Variants in CMTM5 observed in about 807,000 individuals in gnomAD.
The protein encoded by CMTM5 is CKLF-like MARVEL transmembrane domain-containing protein 5.
CMTM5 carries 25 observed loss-of-function variants against 26.9 expected under a neutral mutation model. The ratio of observed to expected loss-of-function variants is 0.93; its 90% CI spans 0.68 to 1.30. CMTM5 has a LOEUF of 1.30. CMTM5 is among the 50% of genes most tolerant of loss of function. The pLI is 0.00. For missense variants in CMTM5, 292 were observed against 289.6 expected (o/e 1.01, Z -0.06); for synonymous variants, 98 against 115.5 (o/e 0.85, Z 0.97).
At position 23,377,283 on chromosome 14, in the gene CMTM5, A is replaced by G. The variant is rs1299049161; in HGVS notation, c.32A>G (p.His11Arg). Reference protein sequence around the residue: MLSARDRRDRHPEEGVVAELQ... With the variant: MLSARDRRDRRPEEGVVAELQ... ...AGTGCTCGAGATCGCCGGGACCGGCACCCTGAGGAGGGGGTAGTTGCAGAG... is the reference window on the plus strand; with the variant it reads ...AGTGCTCGAGATCGCCGGGACCGGCGCCCTGAGGAGGGGGTAGTTGCAGAG... Residue 11 changes from histidine to arginine, a missense_variant, in exon 1 of 6, where the codon CAC (histidine) becomes CGC (arginine). Coordinates refer to ENST00000339180, the MANE Select transcript of CMTM5 (RefSeq NM_001288746.2). This position sits in a 1 kb window ranked among gnomAD's most constrained non-coding sequence, Gnocchi z 4.6. 2 of 1,612,366 alleles carry G rather than the reference A, an allele frequency of 1.2e-6. No individual in the cohort carries two copies.
chr14:23,377,293 G>A lies in CMTM5; in HGVS notation c.42G>A (p.Glu14=). The change falls in exon 1 of 6, where the codon GAG becomes GAA. Residue 14 remains glutamate, a synonymous_variant. Coordinates refer to ENST00000339180, the MANE Select transcript of CMTM5 (RefSeq NM_001288746.2). This position sits in a 1 kb window ranked among gnomAD's most constrained non-coding sequence, Gnocchi z 4.6. ...ARDRRDRHPE[E]GVVAELQGFA... is the part of the protein sequence containing the mutation. ...ATCGCCGGGACCGGCACCCTGAGGAGGGGGTAGTTGCAGAGCTCCAGGGCT... is the reference window on the plus strand; with the variant it reads ...ATCGCCGGGACCGGCACCCTGAGGAAGGGGTAGTTGCAGAGCTCCAGGGCT... 6.2e-7 allele frequency: 1 copy of A among 1,612,354 alleles called. No individual in the cohort carries two copies. The highest frequency in any genetic ancestry group is 8.5e-7 in the Non-Finnish European group (1 of 1,179,270).
Position 23,378,802 on chromosome 14 carries a change from C to T in CMTM5, c.413C>T (p.Pro138Leu), listed in dbSNP as rs1024745608. Residue 138 changes from proline (P) to leucine (L), a missense_variant, in exon 3 of 6, where the codon CCA (proline) becomes CTA (leucine). Transcript: ENST00000339180. The surrounding 1 kb of genome is among the most constrained non-coding windows in gnomAD (Gnocchi z 4.2). ...WHTPAAVPWV[P>L]APAPGFWSWL... ...ACTCCAGCCGCTGTCCCCTGGGTTC[C>T]AGCCCCAGCGCCTGGCTTCTGGTCC... 1 of 1,612,692 alleles carries T rather than the reference C, an allele frequency of 6.2e-7. No homozygotes were observed.
rs111290798 is a variant in CMTM5 at position 23,378,786 on chromosome 14, G to A, written c.397G>A (p.Ala133Thr). 4.8e-5 allele frequency: 78 copies of A among 1,612,310 alleles called. No individual in the cohort carries two copies. The African/African-American group carries it at 5.7e-4, about 12-fold the overall frequency. Reference protein sequence around the residue: ...LTPPGWHTPAAVPWVPAPAPG... With the variant: ...LTPPGWHTPATVPWVPAPAPG... ...CCCCCCGGGCTGGCATACTCCAGCC[G>A]CTGTCCCCTGGGTTCCAGCCCCAGC... Residue 133 changes from alanine to threonine, a missense_variant, in exon 3 of 6, where the codon GCT (alanine) becomes ACT (threonine). By Grantham distance (58) the Ala-to-Thr change is moderately conservative (BLOSUM62 0). Transcript: ENST00000339180. This position sits in a 1 kb window ranked among gnomAD's most constrained non-coding sequence, Gnocchi z 4.2.
rs914964975 is a variant in CMTM5, at chr14:23,377,128, C to T, written c.-124C>T. ...TCCCGGGGCCCTGTGGGCAAGCCTC[C>T]TGCTTCACTTTCAGGTTTCTCGAAG... On this transcript the variant is annotated 5_prime_UTR_variant, in exon 1 of 6. Coordinates refer to ENST00000339180, the MANE Select transcript of CMTM5 (RefSeq NM_001288746.2). The surrounding 1 kb of genome is among the most constrained non-coding windows in gnomAD (Gnocchi z 4.6). 2 of 1,370,312 alleles carry T rather than the reference C, an allele frequency of 1.5e-6. No homozygotes were observed. The highest frequency in any genetic ancestry group is 3.9e-5 in the Admixed American group (2 of 51,302). 84.9% of individuals were successfully genotyped at this position (1,370,312 alleles called of 1,614,324 possible).
Position 23,378,845 on chromosome 14 carries a change from C to T in CMTM5, c.456C>T (p.Ile152=), listed in dbSNP as rs1327338567. ...TCTGGTCCTGGTTGCTCTGGTTCAT[C>T]TGCTTCCACTCCCTGGGTAGCAGTG... ...PGFWSWLLWF[I]CFHSLGSSDF... The change falls in exon 3 of 6, where the codon ATC becomes ATT. Residue 152 remains isoleucine (I), a synonymous_variant. Coordinates refer to ENST00000339180, the MANE Select transcript of CMTM5 (RefSeq NM_001288746.2). This position sits in a 1 kb window ranked among gnomAD's most constrained non-coding sequence, Gnocchi z 4.2. 7 of 1,612,950 alleles carry T rather than the reference C, an allele frequency of 4.3e-6. No homozygotes were observed. The African/African-American group carries it at 9.3e-5, about 22-fold the overall frequency.
In CMTM5 at chr14:23,377,420, C is replaced by T. The variant is rs886365474; in HGVS notation, c.126+43C>T. ...ACCTGGTGCCTCCATCTCCCTGACC[C>T]CCGGCTCCTGGCCAGCCTTATGCCA... On this transcript the variant is annotated intron_variant, in intron 1 of 5. Transcript: ENST00000339180. The surrounding 1 kb of genome is among the most constrained non-coding windows in gnomAD (Gnocchi z 4.6). The T allele has an allele frequency of 1.3e-6, 2 of 1,518,868 alleles. No homozygotes were observed. The highest frequency in any genetic ancestry group is 1.4e-5 in the African/African-American group (1 of 71,880). 94.1% of individuals were successfully genotyped at this position (1,518,868 alleles called of 1,614,324 possible). A position where few individuals can be genotyped will look rare whatever the true frequency, so the allele number is the denominator to read the frequency against.
chr14:23,378,048 G>A lies in CMTM5; in HGVS notation c.127-301G>A. On this transcript the variant is annotated intron_variant, in intron 1 of 5. Coordinates refer to ENST00000339180, the MANE Select transcript of CMTM5 (RefSeq NM_001288746.2). The surrounding 1 kb of genome is among the most constrained non-coding windows in gnomAD (Gnocchi z 4.2). ...TCTGTGGGCACAACTCCAGGGGCTG[G>A]CATTCACACTGTACCTATGAATTAC... 2.6e-6 allele frequency: 1 copy of A among 381,832 alleles called. No individual in the cohort carries two copies. The highest frequency in any genetic ancestry group is 4.7e-6 in the Non-Finnish European group (1 of 211,680). 23.7% of individuals were successfully genotyped at this position (381,832 alleles called of 1,614,324 possible).
rs747074373 is a variant in CMTM5, at chr14:23,378,881, G to T, written c.480+12G>T. 3.1e-6 allele frequency: 5 copies of T among 1,612,948 alleles called. 1 individual carries two copies. In the South Asian group the frequency reaches 5.5e-5, roughly 18 times the overall value. On this transcript the variant is annotated intron_variant, in intron 3 of 5. Coordinates refer to ENST00000339180, the MANE Select transcript of CMTM5 (RefSeq NM_001288746.2). The surrounding 1 kb of genome is among the most constrained non-coding windows in gnomAD (Gnocchi z 4.2). ...CCCTGGGTAGCAGTGTGAGCGCTCT[G>T]TCTCTTGAATGTGCTTCATATTGTG...
In CMTM5 at chr14:23,379,710, G is replaced by A; in HGVS notation, c.*223G>A. 1 of 959,472 alleles carries A rather than the reference G, an allele frequency of 1.0e-6. No individual in the cohort carries two copies. The highest frequency in any genetic ancestry group is 1.5e-6 in the Non-Finnish European group (1 of 685,276). 59.4% of individuals were successfully genotyped at this position (959,472 alleles called of 1,614,324 possible). On this transcript the variant is annotated 3_prime_UTR_variant, in exon 6 of 6. Coordinates refer to ENST00000339180, the MANE Select transcript of CMTM5 (RefSeq NM_001288746.2). ...AGAGGAGGGGAACTTATTGGGGGAG[G>A]GGGGGTGGAGGGGAGGAATCTGGAC...
In CMTM5 at chr14:23,379,389, T is replaced by G; in HGVS notation, c.658+6T>G. ...GGCACCCGGGGCCAGCCAGGGTGAG[T>G]GCCTGTGCTCTGTGGAGAGGAGATG... On this transcript the variant is annotated splice_donor_region_variant and intron_variant, in intron 5 of 5. Coordinates refer to ENST00000339180, the MANE Select transcript of CMTM5 (RefSeq NM_001288746.2). 1 of 1,613,952 alleles carries G rather than the reference T, an allele frequency of 6.2e-7. No individual in the cohort carries two copies. Among genetic ancestry groups the G allele is most frequent in the Non-Finnish European group, 8.5e-7 (1 of 1,179,974 alleles).
Position 23,379,069 on chromosome 14 carries a change from G to C in CMTM5, c.519G>C (p.Leu173=). ...GTGTCAGTGCCATCATCATCTTCCT[G>C]GTGGTCTCCTTTGCAGCTGTGACCT... is the stretch of plus-strand genomic sequence containing the variant. ...LRCVSAIIIF[L]VVSFAAVTSR... Residue 173 remains leucine, a synonymous_variant, in exon 4 of 6, where the codon CTG becomes CTC. Coordinates refer to ENST00000339180, the MANE Select transcript of CMTM5 (RefSeq NM_001288746.2). 1 of 1,614,064 alleles carries C rather than the reference G, an allele frequency of 6.2e-7. No individual in the cohort carries two copies.
chr14:23,379,711 G>T lies in CMTM5; in HGVS notation c.*224G>T. 1.0e-6 allele frequency: 1 copy of T among 960,850 alleles called. No individual in the cohort carries two copies. The highest frequency in any genetic ancestry group is 1.5e-6 in the Non-Finnish European group (1 of 686,332). 59.5% of individuals were successfully genotyped at this position (960,850 alleles called of 1,614,324 possible). A position where few individuals can be genotyped will look rare whatever the true frequency, so the allele number is the denominator to read the frequency against. On this transcript the variant is annotated 3_prime_UTR_variant, in exon 6 of 6. Coordinates refer to ENST00000339180, the MANE Select transcript of CMTM5 (RefSeq NM_001288746.2). ...GAGGAGGGGAACTTATTGGGGGAGG[G>T]GGGGTGGAGGGGAGGAATCTGGACC... is the stretch of plus-strand genomic sequence containing the variant.
Position 23,379,547 on chromosome 14 carries a change from C to T in CMTM5, c.*60C>T, listed in dbSNP as rs1566501753. The T allele has an allele frequency of 1.7e-5, 27 of 1,609,010 alleles. No individual in the cohort carries two copies. Among genetic ancestry groups the T allele is most frequent in the Middle Eastern group, 2.1e-4 (1 of 4,808 alleles). On this transcript the variant is annotated 3_prime_UTR_variant, in exon 6 of 6. Coordinates refer to ENST00000339180, the MANE Select transcript of CMTM5 (RefSeq NM_001288746.2). ...CAGAGAGGACAGTGGAGCCCAGACACGTCTCCTTGGGATTCACTAGCCCCC... is the reference window on the plus strand; with the variant it reads ...CAGAGAGGACAGTGGAGCCCAGACATGTCTCCTTGGGATTCACTAGCCCCC...
chr14:23,379,020 C>T lies in CMTM5; in HGVS notation c.481-11C>T, dbSNP rs1566500970. On this transcript the variant is annotated splice_polypyrimidine_tract_variant and intron_variant, in intron 3 of 5. Coordinates refer to ENST00000339180, the MANE Select transcript of CMTM5 (RefSeq NM_001288746.2). ...CTGAGGTCCTGTTAACCCTGCACCC[C>T]TGGCCCCCAGGACTTCCTGCGCTGT... 1 of 1,614,052 alleles carries T rather than the reference C, an allele frequency of 6.2e-7. No individual in the cohort carries two copies. Among genetic ancestry groups the T allele is most frequent in the Non-Finnish European group, 8.5e-7 (1 of 1,179,950 alleles).
chr14:23,378,902 TTGTG>T lies in CMTM5; in HGVS notation c.480+36_480+39del, dbSNP rs753179244. The T allele has an allele frequency of 6.8e-6, 11 of 1,610,714 alleles. No homozygotes were observed. The African/African-American group carries it at 1.5e-4, about 22-fold the overall frequency. ...CTCTGTCTCTTGAATGTGCTTCATATTGTGTGAGGGGTATCCTATGGAGGGGTTC... is the reference window on the plus strand; with the variant it reads ...CTCTGTCTCTTGAATGTGCTTCATATTGAGGGGTATCCTATGGAGGGGTTC... On this transcript the variant is annotated intron_variant, in intron 3 of 5. Transcript: ENST00000339180. The surrounding 1 kb of genome is among the most constrained non-coding windows in gnomAD (Gnocchi z 4.2).
chr14:23,378,645 C>T lies in CMTM5; in HGVS notation c.280-24C>T, dbSNP rs1890696053. The T allele has an allele frequency of 5.0e-6, 8 of 1,612,946 alleles. No homozygotes were observed. The highest frequency in any genetic ancestry group is 5.9e-6 in the Non-Finnish European group (7 of 1,179,370). ...GCTATGCCCTGCACTCAAAGGTGTG[C>T]TTTGACTCACACTGATTTCACAGCT... On this transcript the variant is annotated intron_variant, in intron 2 of 5. Transcript: ENST00000339180. This position sits in a 1 kb window ranked among gnomAD's most constrained non-coding sequence, Gnocchi z 4.2.
At position 23,378,472 on chromosome 14, in the gene CMTM5, C is replaced by A. The variant is rs147365003; in HGVS notation, c.250C>A (p.Arg84Ser). 6.2e-7 allele frequency: 1 copy of A among 1,614,146 alleles called. No homozygotes were observed. Among genetic ancestry groups the A allele is most frequent in the East Asian group, 2.2e-5 (1 of 44,878 alleles). ...LFLYATQYYQ[R>S]FDRINWPCLL... ...CCTCTATGCCACCCAGTACTACCAG[C>A]GCTTCGACCGAATTAACTGGCCCTG... Residue 84 changes from arginine (R) to serine (S), a missense_variant, in exon 2 of 6, where the codon CGC (arginine) becomes AGC (serine). By Grantham distance (110) the Arg-to-Ser change is moderately radical. Coordinates refer to ENST00000339180, the MANE Select transcript of CMTM5 (RefSeq NM_001288746.2). The surrounding 1 kb of genome is among the most constrained non-coding windows in gnomAD (Gnocchi z 4.2).
At position 23,378,085 on chromosome 14, in the gene CMTM5, G is replaced by A; in HGVS notation, c.127-264G>A. Reference sequence around the variant, plus strand: ...TACCTATGAATTACTGTGGGATAGTGCTCCTGGGAGCCATATGGCTTGGCC... The same window carrying A: ...TACCTATGAATTACTGTGGGATAGTACTCCTGGGAGCCATATGGCTTGGCC... On this transcript the variant is annotated intron_variant, in intron 1 of 5. Transcript: ENST00000339180. The surrounding 1 kb of genome is among the most constrained non-coding windows in gnomAD (Gnocchi z 4.2). The A allele has an allele frequency of 1.9e-6, 1 of 535,828 alleles. No individual in the cohort carries two copies. Among genetic ancestry groups the A allele is most frequent in the East Asian group, 3.3e-5 (1 of 30,278 alleles). 33.2% of individuals were successfully genotyped at this position (535,828 alleles called of 1,614,324 possible).
rs766135609 is a variant in CMTM5, at chr14:23,378,810, G to A, written c.421G>A (p.Ala141Thr). 5.0e-6 allele frequency: 8 copies of A among 1,612,722 alleles called. No homozygotes were observed. Among genetic ancestry groups the A allele is most frequent in the Non-Finnish European group, 6.8e-6 (8 of 1,179,846 alleles). The change falls in exon 3 of 6, where the codon GCG becomes ACG. Residue 141 changes from alanine (A) to threonine (T), a missense_variant. By Grantham distance (58) the Ala-to-Thr change is moderately conservative. Transcript: ENST00000339180. This position sits in a 1 kb window ranked among gnomAD's most constrained non-coding sequence, Gnocchi z 4.2. ...PAAVPWVPAP[A>T]PGFWSWLLWF... ...CGCTGTCCCCTGGGTTCCAGCCCCA[G>A]CGCCTGGCTTCTGGTCCTGGTTGCT... is the stretch of plus-strand genomic sequence containing the variant.
Sources: allele counts gnomAD v4.1 joint callset, GRCh38; gene constraint gnomAD v4.1.1; non-coding constraint Gnocchi (gnomAD v3.1); transcripts MANE v1.5; gene names NCBI Gene and HGNC (gene_info 2026-07-23, HGNC 2026-07-21).